TMEM163: variants seen among roughly 807,000 people sequenced by gnomAD.
TMEM163 encodes the protein transmembrane protein 163.
TMEM163 carries 17 observed loss-of-function variants against 29.3 expected under a neutral mutation model. The ratio of observed to expected loss-of-function variants is 0.58; its 90% CI spans 0.40 to 0.87. TMEM163 has a LOEUF of 0.87. Among genes scored for constraint, TMEM163 ranks in the 40% least tolerant of loss-of-function variants. The pLI is 0.00. For missense variants in TMEM163, 303 were observed against 381.5 expected (o/e 0.79, Z 1.71); for synonymous variants, 157 against 160.6 (o/e 0.98, Z 0.17).
chr2:134,586,038 AG>A lies in TMEM163; in HGVS notation c.323-33948del, dbSNP rs146905335. On this transcript the variant is annotated intron_variant, in intron 2 of 7. Coordinates refer to ENST00000281924, the MANE Select transcript of TMEM163 (RefSeq NM_030923.5). ...GGAATGAAGAGCAAGCAAGGCTCTA[AG>A]GACCACAAAACAGTGTTCAAAGTTT... Among the ~76,000 whole-genome samples the A allele has an allele frequency of 8.2e-3, 1,246 of 152,350 alleles. 21 individuals are homozygous for A. Among genetic ancestry groups the A allele is most frequent in the African/African-American group, 0.028 (1,181 of 41,574 alleles).
chr2:134,593,555 T>C (rs1681988132), intron 2 of TMEM163, among the ~76,000 whole-genome samples: 1 of 152,162 alleles, frequency 6.6e-6, no homozygotes, highest in Non-Finnish European at 1.5e-5. Flanking sequence ...GGTGCCCTGA[T>C]GAAAAGCCTT....
intron 4 of TMEM163, among the ~76,000 whole-genome samples, chr2:134,512,183 C>T (rs561749357): frequency 2.0e-5 from 3 of 152,286 alleles, no homozygotes; most frequent in South Asian, 4.1e-4. Context: ...GAGGCCCAGG[C>T]GCAATGTCTC....
intron 4 of TMEM163, among the ~76,000 whole-genome samples, chr2:134,546,757 G>A (rs1339931865): frequency 6.6e-6 from 1 of 151,972 alleles, no homozygotes; most frequent in Non-Finnish European, 1.5e-5. Flanking sequence ...AGGTTGCAGT[G>A]AGCCAAGATC....
intron 2 of TMEM163, among the ~76,000 whole-genome samples, chr2:134,708,089 G>A (rs59087438): frequency 0.043 from 6,501 of 152,126 alleles, 482 homozygotes; most frequent in African/African-American, 0.15. Flanking sequence ...ATCTCACCAC[G>A]TTGGCCAGGC....
intron 2 of TMEM163, among the ~76,000 whole-genome samples, chr2:134,674,668 TA>T (rs1240483234): frequency 2.7e-5 from 4 of 149,534 alleles, no homozygotes; most frequent in African/African-American, 9.8e-5. Context: ...GACTAATGTT[TA>T]AAAAAAAACA....
chr2:134,636,711 C>A (rs1280221051), intron 2 of TMEM163, among the ~76,000 whole-genome samples: 3 of 152,222 alleles, frequency 2.0e-5, no homozygotes, highest in African/African-American at 7.2e-5. Context: ...AGGAGTCATG[C>A]AGCTGGAGGC....
At chr2:134,582,409 G>C (rs1329465526) in intron 2 of TMEM163, among the ~76,000 whole-genome samples, 1 of 152,228 alleles carries the variant, frequency 6.6e-6, no homozygotes, top group Non-Finnish European at 1.5e-5. Context: ...CTTTTTGCAA[G>C]AGGTTGCAGT....
intron 4 of TMEM163, among the ~76,000 whole-genome samples, chr2:134,545,147 C>T (rs776866452): frequency 2.0e-5 from 3 of 152,124 alleles, no homozygotes; most frequent in African/African-American, 7.2e-5. Flanking sequence ...TTGGAGGTCA[C>T]GACGTTAAGT....
chr2:134,572,219 GAGA>G (rs1451768614), intron 2 of TMEM163, among the ~76,000 whole-genome samples: 7 of 152,150 alleles, frequency 4.6e-5, no homozygotes, highest in East Asian at 3.9e-4. Context: ...GGATTGCAGA[GAGA>G]AGATGTCGTC....
In TMEM163 at chr2:134,471,280, G is replaced by A. The variant is rs150061511; in HGVS notation, c.556-5055C>T. 1.1e-4 allele frequency among the ~76,000 whole-genome samples: 17 copies of A among 152,332 alleles called. No individual in the cohort carries two copies. In the East Asian group the frequency reaches 3.3e-3, roughly 29 times the overall value. On this transcript the variant is annotated intron_variant, in intron 5 of 7. Coordinates refer to ENST00000281924, the MANE Select transcript of TMEM163 (RefSeq NM_030923.5). ...ACCCCAATGTGATAGTATTTGGAGA[G>A]GGGGCCTTTGAAAGATAATTAGGGT...
chr2:134,531,473 G>A (rs745416158), intron 4 of TMEM163, among the ~76,000 whole-genome samples: 16 of 152,164 alleles, frequency 1.1e-4, no homozygotes, highest in Admixed American at 3.3e-4. Context: ...GCCCCACTTC[G>A]AAGGCCAGCT....
At chr2:134,631,944 G>T (rs1194616557) in intron 2 of TMEM163, among the ~76,000 whole-genome samples, 2 of 152,130 alleles carry the variant, frequency 1.3e-5, no homozygotes, top group Non-Finnish European at 2.9e-5. Context: ...TGTATTTGTG[G>T]TGCCATGAAG....
chr2:134,560,556 T>C (rs1681145892), intron 2 of TMEM163, among the ~76,000 whole-genome samples: 1 of 152,042 alleles, frequency 6.6e-6, no homozygotes. Flanking sequence ...TGGGGCACAA[T>C]GGAGAAACCA....
intron 2 of TMEM163, among the ~76,000 whole-genome samples, chr2:134,615,084 T>C (rs750458576): frequency 6.6e-6 from 1 of 152,038 alleles, no homozygotes; most frequent in Non-Finnish European, 1.5e-5. Context: ...AGTGAGTGCA[T>C]GTACTAAAGG....
chr2:134,523,539 GTC>G (rs1680230932), intron 4 of TMEM163, among the ~76,000 whole-genome samples: 1 of 152,106 alleles, frequency 6.6e-6, no homozygotes, highest in African/African-American at 2.4e-5. Context: ...AAGCACTCCT[GTC>G]TCTCCCCCAA....
At position 134,570,467 on chromosome 2, in the gene TMEM163, TATATATACATATACATATAC is replaced by T. The variant is rs1368137565; in HGVS notation, c.323-18396_323-18377del. ...ACAGATAAGGGGGTACTACTACATA[TATATATACATATACATATAC>T]ATATACATATACATATACATATACA... On this transcript the variant is annotated intron_variant, in intron 2 of 7. Coordinates refer to ENST00000281924, the MANE Select transcript of TMEM163 (RefSeq NM_030923.5). Among the ~76,000 whole-genome samples, 10 of 139,704 alleles carry T rather than the reference TATATATACATATACATATAC, an allele frequency of 7.2e-5. No homozygotes were observed. In the East Asian group the frequency reaches 1.1e-3, roughly 15 times the overall value. 91.7% of individuals were successfully genotyped at this position (139,704 alleles called of 152,430 possible).
At position 134,532,539 on chromosome 2, in the gene TMEM163, TG is replaced by T. The variant is rs550121483; in HGVS notation, c.458+18030del. 7.2e-5 allele frequency among the ~76,000 whole-genome samples: 11 copies of T among 152,314 alleles called. No individual in the cohort carries two copies. The South Asian group carries it at 2.3e-3, about 32-fold the overall frequency. On this transcript the variant is annotated intron_variant, in intron 4 of 7. Transcript: ENST00000281924. ...ATGTGGATCCAATAATAAGGAAACA[TG>T]TATTTTATCCTGAACATGCTTGCTA...
At chr2:134,573,014 G>C (rs1681468106) in intron 2 of TMEM163, among the ~76,000 whole-genome samples, 2 of 152,148 alleles carry the variant, frequency 1.3e-5, no homozygotes, top group South Asian at 4.1e-4. Flanking sequence ...CAAAGCTGCT[G>C]GACTGGCTAC....
At chr2:134,605,667 T>C (rs570810628) in intron 2 of TMEM163, among the ~76,000 whole-genome samples, 18 of 146,284 alleles carry the variant, frequency 1.2e-4, no homozygotes, top group African/African-American at 4.6e-4. Flanking sequence ...GCCTGGGTGA[T>C]GAGAATGAAA....
Sources: allele counts gnomAD v4.1 joint callset (sites outside exome capture counted in the v4.1 genomes callset), GRCh38; gene constraint gnomAD v4.1.1; transcripts MANE v1.5; gene names NCBI Gene and HGNC (gene_info 2026-07-23, HGNC 2026-07-21).